INPP5A: variants seen among roughly 807,000 people sequenced by gnomAD.
The protein encoded by INPP5A is inositol polyphosphate-5-phosphatase A, also known as 43 kDa inositol polyphosphate 5-phophatase.
A neutral mutation model predicts 65.2 loss-of-function variants in INPP5A; 14 were observed. The ratio of observed to expected loss-of-function variants is 0.21; its 90% CI spans 0.14 to 0.34. The LOEUF is 0.34. Among genes scored for constraint, INPP5A ranks in the 10% least tolerant of loss-of-function variants. The pLI, the probability that INPP5A is intolerant of heterozygous loss-of-function variation, is 1.00. For missense variants in INPP5A, 431 were observed against 545.6 expected, an observed-to-expected ratio of 0.79 and a Z score of 2.09; for synonymous variants, 207 against 208.3, an observed-to-expected ratio of 0.99 and a Z score of 0.05.
intron 1 of INPP5A, among the ~76,000 whole-genome samples, chr10:132,557,036 C>G (rs913799068): frequency 6.6e-6 from 1 of 152,210 alleles, no homozygotes; most frequent in Admixed American, 6.5e-5. Context: ...ATTGTACGCA[C>G]ATGTTGTGGC....
At chr10:132,689,200 G>C (rs927880310) in intron 4 of INPP5A, among the ~76,000 whole-genome samples, 3 of 152,194 alleles carry the variant, frequency 2.0e-5, no homozygotes, top group Non-Finnish European at 2.9e-5. Flanking sequence ...GCTGAGGACA[G>C]GCCCTGTTCA....
intron 2 of INPP5A, among the ~76,000 whole-genome samples, chr10:132,631,344 G>T (rs576503128): frequency 6.6e-6 from 1 of 152,144 alleles, no homozygotes; most frequent in Non-Finnish European, 1.5e-5. Flanking sequence ...CCCAGCACCC[G>T]TTGCAGCCCA....
Position 132,603,946 on chromosome 10 carries a change from G to C in INPP5A, c.76-3969G>C, listed in dbSNP as rs920675756. On this transcript the variant is annotated intron_variant, in intron 1 of 15. Coordinates refer to ENST00000368594, the MANE Select transcript of INPP5A (RefSeq NM_005539.5). This position sits in a 1 kb window ranked among gnomAD's most constrained non-coding sequence, Gnocchi z 4.2. ...TCTCCGTCCAGCCCTGCGCCGTCAA[G>C]GTCCCCTCTCCGTCCCGCCCTGCGC... 3.3e-5 allele frequency among the ~76,000 whole-genome samples: 5 copies of C among 151,246 alleles called. No individual in the cohort carries two copies. Among genetic ancestry groups the C allele is most frequent in the African/African-American group, 1.2e-4 (5 of 41,050 alleles).
chr10:132,777,441 G>A (rs569291971), intron 12 of INPP5A, among the ~76,000 whole-genome samples: 1 of 152,264 alleles, frequency 6.6e-6, no homozygotes, highest in Admixed American at 6.5e-5. Context: ...AAGGACTGAT[G>A]TGAAGATACT....
intron 6 of INPP5A, among the ~76,000 whole-genome samples, chr10:132,703,672 G>T (rs1390570920): frequency 1.7e-5 from 1 of 58,436 alleles, no homozygotes; most frequent in Non-Finnish European, 3.1e-5. Context: ...ACACACACAC[G>T]TGCAGCTTCA....
intron 1 of INPP5A, among the ~76,000 whole-genome samples, chr10:132,574,031 G>A (rs1466315906): frequency 3.7e-5 from 2 of 54,766 alleles, no homozygotes; most frequent in Non-Finnish European, 3.3e-5. Flanking sequence ...TGTACGTGCC[G>A]TGGGAGGTTT....
At chr10:132,544,547 G>C (rs569476255) in intron 1 of INPP5A, among the ~76,000 whole-genome samples, 1 of 152,086 alleles carries the variant, frequency 6.6e-6, no homozygotes. Context: ...TCTGTCTGCC[G>C]GGCAGGGAGG....
rs2133254169 is a variant in INPP5A, at chr10:132,551,261, C to T, written c.75+13090C>T. Among the ~76,000 whole-genome samples, 2 of 152,298 alleles carry T rather than the reference C, an allele frequency of 1.3e-5. No individual in the cohort carries two copies. The highest frequency in any genetic ancestry group is 6.8e-3 in the Middle Eastern group (2 of 294). On this transcript the variant is annotated intron_variant, in intron 1 of 15. Transcript: ENST00000368594. This position sits in a 1 kb window ranked among gnomAD's most constrained non-coding sequence, Gnocchi z 5.3. ...GAGTGGGGAGCCCCTTCCTGTGGTC[C>T]CTGGCACTCTGACCACATGGATGAG...
In INPP5A at chr10:132,544,656, TAGAC is replaced by T. The variant is rs1294844709; in HGVS notation, c.75+6488_75+6491del. ...CTAAATCTTGAACACCTCCTTACCT[TAGAC>T]AGCATCATTTCGGGTCGGTCCTTGA... is the stretch of plus-strand genomic sequence containing the variant. On this transcript the variant is annotated intron_variant, in intron 1 of 15. Coordinates refer to ENST00000368594, the MANE Select transcript of INPP5A (RefSeq NM_005539.5). 5.9e-5 allele frequency among the ~76,000 whole-genome samples: 9 copies of T among 152,190 alleles called. No individual in the cohort carries two copies. The East Asian group carries it at 7.7e-4, about 13-fold the overall frequency.
At chr10:132,567,901 T>A (rs2071291394) in intron 1 of INPP5A, among the ~76,000 whole-genome samples, 1 of 151,958 alleles carries the variant, frequency 6.6e-6, no homozygotes. Context: ...TAAAAAAAAA[T>A]ATTGGCTGAG....
Position 132,719,626 on chromosome 10 carries a change from A to G in INPP5A, c.648-7195A>G, listed in dbSNP as rs1479056337. Reference sequence around the variant, plus strand: ...GGTTCTTTCTGGAGGCGCCTTAGACAGCTGTCTTGCGGGTTCTGTGGTACC... The same window carrying G: ...GGTTCTTTCTGGAGGCGCCTTAGACGGCTGTCTTGCGGGTTCTGTGGTACC... On this transcript the variant is annotated intron_variant, in intron 8 of 15. Coordinates refer to ENST00000368594, the MANE Select transcript of INPP5A (RefSeq NM_005539.5). Among the ~76,000 whole-genome samples, 622 of 84,646 alleles carry G rather than the reference A, an allele frequency of 7.3e-3. 1 individual carries two copies. The highest frequency in any genetic ancestry group is 9.5e-3 in the Non-Finnish European group (428 of 45,170). 55.5% of individuals were successfully genotyped at this position (84,646 alleles called of 152,430 possible). A position where few individuals can be genotyped will look rare whatever the true frequency, so the allele number is the denominator to read the frequency against.
At chr10:132,716,631 C>A (rs1845744779) in intron 8 of INPP5A, among the ~76,000 whole-genome samples, 1 of 152,220 alleles carries the variant, frequency 6.6e-6, no homozygotes, top group Admixed American at 6.5e-5. Context: ...ACACCCTGAA[C>A]CCCAGCGTCA....
rs1352246602 is a variant in INPP5A at position 132,710,370 on chromosome 10, T to C, written c.561T>C (p.His187=). 3.1e-6 allele frequency: 5 copies of C among 1,614,082 alleles called. No individual in the cohort carries two copies. Among genetic ancestry groups the C allele is most frequent in the African/African-American group, 1.3e-5 (1 of 74,958 alleles). Residue 187 remains histidine, a synonymous_variant, in exon 8 of 16, where the codon CAT becomes CAC. Transcript: ENST00000368594. ...ACTTGGTGAATATCCATCTTTTCCATGATGCTTCCAATCTGGTCGCCTGGG... is the reference window on the plus strand; with the variant it reads ...ACTTGGTGAATATCCATCTTTTCCACGATGCTTCCAATCTGGTCGCCTGGG... ...AFDLVNIHLF[H]DASNLVAWET... is the part of the protein sequence containing the mutation.
chr10:132,614,069 G>C (rs533663586), intron 2 of INPP5A, among the ~76,000 whole-genome samples: 1 of 152,200 alleles, frequency 6.6e-6, no homozygotes, highest in Non-Finnish European at 1.5e-5. Flanking sequence ...ATCGCCAGTC[G>C]TGAGCACCCT....
chr10:132,756,311 G>C (rs937449263), intron 11 of INPP5A, among the ~76,000 whole-genome samples: 1 of 152,164 alleles, frequency 6.6e-6, no homozygotes, highest in Non-Finnish European at 1.5e-5. Flanking sequence ...TGTGGTGTAT[G>C]TGTGTATGCA....
chr10:132,734,788 C>G (rs1020269847), intron 9 of INPP5A, among the ~76,000 whole-genome samples: 12 of 152,374 alleles, frequency 7.9e-5, no homozygotes, highest in African/African-American at 2.4e-4. Context: ...GTGCACATCT[C>G]TCTGCCTTCC....
At chr10:132,779,580 C>T (rs111641084) in intron 13 of INPP5A, among the ~76,000 whole-genome samples, 7 of 152,352 alleles carry the variant, frequency 4.6e-5, no homozygotes, top group East Asian at 3.9e-4. Context: ...TCTCTGGATC[C>T]GGGACTTGAC....
chr10:132,728,633 G>C (rs1022803631), intron 9 of INPP5A, among the ~76,000 whole-genome samples: 2 of 152,248 alleles, frequency 1.3e-5, no homozygotes, highest in Non-Finnish European at 2.9e-5. Flanking sequence ...GCTCTGACTG[G>C]GAGGGGCCAG....
At chr10:132,645,073 C>T (rs980366694) in intron 2 of INPP5A, among the ~76,000 whole-genome samples, 1 of 152,220 alleles carries the variant, frequency 6.6e-6, no homozygotes, top group Non-Finnish European at 1.5e-5. Context: ...CACAGGAAGC[C>T]GCACTGACAA....
Sources: gnomAD v4.1 joint callset for allele counts (sites outside exome capture counted in the v4.1 genomes callset) on GRCh38, gnomAD v4.1.1 for gene constraint, Gnocchi (gnomAD v3.1) non-coding constraint, MANE v1.5 for transcripts, NCBI Gene and HGNC (gene_info 2026-07-23, HGNC 2026-07-21) for gene names.